Variants in REDIC1 observed in about 807,000 individuals in gnomAD.
REDIC1 encodes regulator of DNA class I crossover intermediates 1.
At chr12:39,665,144 G>A in the REDIC1 span, among the ~76,000 whole-genome samples, 1 of 152,082 alleles carries the variant, frequency 6.6e-6, no homozygotes, top group South Asian at 2.1e-4. Flanking sequence ...TGAAGTCCTT[G>A]CCCATGCCTA....
the REDIC1 span, among the ~76,000 whole-genome samples, chr12:39,706,977 G>C: frequency 6.6e-6 from 1 of 151,810 alleles, no homozygotes; most frequent in Non-Finnish European, 1.5e-5. Flanking sequence ...CAAGCATAGG[G>C]AACCAAAGCA....
the REDIC1 span, among the ~76,000 whole-genome samples, chr12:39,731,914 G>C: frequency 6.7e-6 from 1 of 149,658 alleles, no homozygotes; most frequent in Admixed American, 6.7e-5. Flanking sequence ...TGATAGCTTA[G>C]AGGATTGTCA....
At chr12:39,775,045 T>G in the REDIC1 span, among the ~76,000 whole-genome samples, 2 of 152,334 alleles carry the variant, frequency 1.3e-5, no homozygotes, top group South Asian at 4.1e-4. Context: ...CAGTCTGATA[T>G]CTAAAGTGTA....
At chr12:39,884,614 A>T in the REDIC1 span, among the ~76,000 whole-genome samples, 2 of 152,140 alleles carry the variant, frequency 1.3e-5, no homozygotes, top group Non-Finnish European at 2.9e-5. Context: ...ATATCTGGGG[A>T]CTGTTCAGGG....
the REDIC1 span, among the ~76,000 whole-genome samples, chr12:39,810,680 T>C: frequency 1.3e-5 from 2 of 152,198 alleles, no homozygotes; most frequent in African/African-American, 4.8e-5. Flanking sequence ...GTTTTTATCA[T>C]GAATGGATTA....
At chr12:39,766,458 TG>T in the REDIC1 span, among the ~76,000 whole-genome samples, 1 of 152,070 alleles carries the variant, frequency 6.6e-6, no homozygotes, top group African/African-American at 2.4e-5. Flanking sequence ...ATCATCTTTT[TG>T]GTGGAGGGTC....
chr12:39,772,727 C>A, the REDIC1 span, among the ~76,000 whole-genome samples: 1 of 152,126 alleles, frequency 6.6e-6, no homozygotes, highest in Non-Finnish European at 1.5e-5. Flanking sequence ...TTACTCTTTT[C>A]GTTATTATCA....
chr12:39,818,452 A>G, the REDIC1 span, among the ~76,000 whole-genome samples: 3 of 152,226 alleles, frequency 2.0e-5, no homozygotes, highest in African/African-American at 7.2e-5. Context: ...TTACAATAGT[A>G]TCTGAGCTAG....
At chr12:39,742,282 G>C in the REDIC1 span, among the ~76,000 whole-genome samples, 7 of 152,242 alleles carry the variant, frequency 4.6e-5, no homozygotes, top group Non-Finnish European at 1.0e-4. Context: ...ACTCTGTCAG[G>C]TTCCTTTCCA....
the REDIC1 span, among the ~76,000 whole-genome samples, chr12:39,691,673 A>T: frequency 1.4e-4 from 22 of 152,154 alleles, no homozygotes; most frequent in Non-Finnish European, 2.9e-5. Context: ...TTTATTATTT[A>T]AAAAACCTGA....
the REDIC1 span, among the ~76,000 whole-genome samples, chr12:39,673,579 C>T: frequency 1.7e-4 from 26 of 152,200 alleles, no homozygotes; most frequent in African/African-American, 5.8e-4. Context: ...CCAGCTTTAC[C>T]CCTCTTCTGT....
the REDIC1 span, among the ~76,000 whole-genome samples, chr12:39,806,407 C>T: frequency 6.6e-6 from 1 of 152,190 alleles, no homozygotes; most frequent in Non-Finnish European, 1.5e-5. Context: ...AAATGGCATT[C>T]TGTCCCCTGA....
the REDIC1 span, among the ~76,000 whole-genome samples, chr12:39,776,212 G>A: frequency 6.6e-6 from 1 of 152,260 alleles, no homozygotes; most frequent in African/African-American, 2.4e-5. Context: ...CTTCTCCATT[G>A]TGCGGTTCCT....
the REDIC1 span, among the ~76,000 whole-genome samples, chr12:39,714,605 G>C: frequency 1.3e-5 from 2 of 151,738 alleles, no homozygotes; most frequent in African/African-American, 4.8e-5. Context: ...GGACCAAATG[G>C]TAGTTCTACT....
chr12:39,844,765 T>C, the REDIC1 span, among the ~76,000 whole-genome samples: 1 of 152,036 alleles, frequency 6.6e-6, no homozygotes, highest in South Asian at 2.1e-4. Flanking sequence ...TTGGAAATTA[T>C]ATTCTTCCCT....
the REDIC1 span, among the ~76,000 whole-genome samples, chr12:39,699,556 G>GT: frequency 1.3e-5 from 2 of 152,224 alleles, no homozygotes; most frequent in African/African-American, 4.8e-5. Flanking sequence ...GCTTGCTTAG[G>GT]TAAACAAAGC....
chr12:39,685,827 C>T, the REDIC1 span, among the ~76,000 whole-genome samples: 10 of 152,256 alleles, frequency 6.6e-5, no homozygotes, highest in East Asian at 1.9e-4. Context: ...GATTCAATGG[C>T]GGTACAAGCA....
the REDIC1 span, among the ~76,000 whole-genome samples, chr12:39,746,244 G>T: frequency 6.6e-6 from 1 of 152,098 alleles, no homozygotes; most frequent in Non-Finnish European, 1.5e-5. Flanking sequence ...CCCTAATACT[G>T]CACTTTTCCC....
the REDIC1 span, among the ~76,000 whole-genome samples, chr12:39,718,693 C>A: frequency 3.3e-5 from 5 of 151,912 alleles, no homozygotes; most frequent in African/African-American, 1.2e-4. Flanking sequence ...GAATAGGGCA[C>A]TTTTGTCTCC....
Sources: allele counts gnomAD v4.1 joint callset (sites outside exome capture counted in the v4.1 genomes callset), GRCh38; gene constraint gnomAD v4.1.1; transcripts MANE v1.5; gene names NCBI Gene and HGNC (gene_info 2026-07-23, HGNC 2026-07-21).